Variants in SH3YL1 observed in about 807,000 individuals in gnomAD.
The protein encoded by SH3YL1 is SH3 and SYLF domain containing 1, also known as SH3 domain-containing YSC84-like protein 1.
SH3YL1 carries 41 observed loss-of-function variants against 45.8 expected under a neutral mutation model. That is an observed-to-expected ratio of 0.89 (90% CI 0.70 to 1.16). The LOEUF is 1.16. SH3YL1 is among the 50% of genes most tolerant of loss of function. The probability of loss-of-function intolerance (pLI) is 0.00; values close to 1 mark genes in which losing one functional copy is unlikely to be tolerated. For missense variants in SH3YL1, 389 were observed against 409.6 expected, an observed-to-expected ratio of 0.95 and a Z score of 0.43; for synonymous variants, 152 against 151.4, an observed-to-expected ratio of 1.00 and a Z score of -0.03.
intron 4 of SH3YL1, chr2:243,691 A>C (rs1199889160): frequency 3.9e-6 from 4 of 1,028,524 alleles, no homozygotes; most frequent in Non-Finnish European, 5.4e-6. Context: ...TTAGTACCTT[A>C]AGTTTCTTCC....
At chr2:248,681 T>C (rs558067526) in intron 3 of SH3YL1, among the ~76,000 whole-genome samples, 2 of 152,162 alleles carry the variant, frequency 1.3e-5, no homozygotes, top group East Asian at 3.9e-4. Context: ...AATGGAGCAG[T>C]TGGGGACCTG....
chr2:228,327 A>G (rs1287648039), intron 8 of SH3YL1, among the ~76,000 whole-genome samples: 3 of 152,228 alleles, frequency 2.0e-5, no homozygotes, highest in Non-Finnish European at 4.4e-5. Flanking sequence ...TGGCACAGGC[A>G]AAGGGCCTGT....
At chr2:223,800 T>A (rs1349601604) in intron 9 of SH3YL1, among the ~76,000 whole-genome samples, 1 of 152,156 alleles carries the variant, frequency 6.6e-6, no homozygotes, top group African/African-American at 2.4e-5. Context: ...CCCCCGACCA[T>A]CGCACCTGCT....
intron 1 of SH3YL1, chr2:259,569 T>C (rs550500409): frequency 1.3e-5 from 2 of 151,982 alleles, no homozygotes; most frequent in East Asian, 3.9e-4. Context: ...AAAAAATATG[T>C]AATAGGAGAA....
intron 4 of SH3YL1, among the ~76,000 whole-genome samples, chr2:236,633 G>A (rs1358459569): frequency 6.6e-6 from 1 of 152,178 alleles, no homozygotes; most frequent in Non-Finnish European, 1.5e-5. Context: ...ACACATTCAA[G>A]GCTGTTTACG....
chr2:238,422 G>A (rs1174418367), intron 4 of SH3YL1, among the ~76,000 whole-genome samples: 1 of 152,096 alleles, frequency 6.6e-6, no homozygotes, highest in Non-Finnish European at 1.5e-5. Context: ...AGGGGGCTTA[G>A]AAACTGGACT....
At chr2:239,129 T>A (rs1426422018) in intron 4 of SH3YL1, among the ~76,000 whole-genome samples, 2 of 152,194 alleles carry the variant, frequency 1.3e-5, no homozygotes, top group African/African-American at 4.8e-5. Flanking sequence ...TTAAGCAGCA[T>A]CCTTTGCACA....
At chr2:224,736 G>T in intron 9 of SH3YL1, 128 bp downstream of exon 9, 1 of 720,232 alleles carries the variant, frequency 1.4e-6, no homozygotes, top group Non-Finnish European at 2.4e-6. Context: ...TCAAAAGAAT[G>T]TGAATATTCT....
At chr2:264,415 T>A (rs1054206355), upstream of SH3YL1, 21 of 196,528 alleles carry the variant, frequency 1.1e-4, 1 homozygote, top group African/African-American at 4.4e-4. Context: ...AGACTCGCGC[T>A]GTGCCCCAAC....
chr2:239,678 T>C (rs148392417), intron 4 of SH3YL1: 2 of 152,196 alleles, frequency 1.3e-5, no homozygotes, highest in South Asian at 4.1e-4. Flanking sequence ...TGAATCTCCA[T>C]CCCACTGTAG....
Position 237,210 on chromosome 2 carries a change from T to G in SH3YL1, c.292-2938A>C, listed in dbSNP as rs1668344065. On this transcript the variant is annotated intron_variant, in intron 4 of 9. Coordinates refer to ENST00000356150, the MANE Select transcript of SH3YL1 (RefSeq NM_015677.4). ...ACTGGTTCTTATGTTCCGCTTCTGC[T>G]TGGTACATCGTGGTACAGTTAAGTA... Among the ~76,000 whole-genome samples, 4 of 152,050 alleles carry G rather than the reference T, an allele frequency of 2.6e-5. No individual in the cohort carries two copies. The South Asian group carries it at 8.3e-4, about 32-fold the overall frequency.
At chr2:246,482 C>A (rs1668816476) in intron 4 of SH3YL1, among the ~76,000 whole-genome samples, 1 of 151,938 alleles carries the variant, frequency 6.6e-6, no homozygotes, top group African/African-American at 2.4e-5. Flanking sequence ...TCACAAGGAG[C>A]CAGAGGGTTG....
intron 7 of SH3YL1, chr2:230,486 A>C (rs540515288): frequency 2.4e-5 from 4 of 169,388 alleles, no homozygotes; most frequent in African/African-American, 7.2e-5. Context: ...AAGGCCTGAC[A>C]TACAAAGGCG....
At chr2:243,680 C>G in intron 4 of SH3YL1, 1 of 1,132,046 alleles carries the variant, frequency 8.8e-7, no homozygotes, top group Non-Finnish European at 1.2e-6. Context: ...CCTTCTTTCC[C>G]TTAGTACCTT....
intron 4 of SH3YL1, chr2:242,809 C>G: frequency 6.5e-7 from 1 of 1,534,648 alleles, no homozygotes; most frequent in Non-Finnish European, 8.8e-7. Flanking sequence ...ATTAGATTGA[C>G]AGTAAAAGGA....
intron 1 of SH3YL1, among the ~76,000 whole-genome samples, chr2:254,680 C>T (rs1227518447): frequency 6.6e-6 from 1 of 152,136 alleles, no homozygotes; most frequent in East Asian, 1.9e-4. Flanking sequence ...AACCTGCCTC[C>T]CATTTTATTC....
chr2:230,144 T>G, intron 7 of SH3YL1, 100 bp from the exon 8 acceptor site: 9 of 791,824 alleles, frequency 1.1e-5, no homozygotes, highest in Non-Finnish European at 1.8e-5. Context: ...CAAACTTTTA[T>G]CATGTGTGCT....
chr2:237,367 G>A (rs953736691), intron 4 of SH3YL1, among the ~76,000 whole-genome samples: 3 of 151,686 alleles, frequency 2.0e-5, no homozygotes, highest in Non-Finnish European at 2.9e-5. Flanking sequence ...CAATTAGCCC[G>A]AGAACCAGGT....
At chr2:250,003 C>T (rs149296988) in intron 2 of SH3YL1, among the ~76,000 whole-genome samples, 159 bp from the exon 3 acceptor site, 134 of 152,316 alleles carry the variant, frequency 8.8e-4, no homozygotes, top group Middle Eastern at 3.4e-3. Flanking sequence ...CAGATGGGCA[C>T]GAGGCCTCTC....
Sources: gnomAD v4.1 joint callset for allele counts (sites outside exome capture counted in the v4.1 genomes callset) on GRCh38, gnomAD v4.1.1 for gene constraint, MANE v1.5 for transcripts, NCBI Gene and HGNC (gene_info 2026-07-23, HGNC 2026-07-21) for gene names.